Variants in SORCS1 observed in about 807,000 individuals in gnomAD.
SORCS1 encodes the protein VPS10 domain-containing receptor SorCS1.
In SORCS1, 60 loss-of-function variants were observed where a neutral mutation model predicts 146.1. The observed-to-expected ratio is 0.41, with a 90% CI of 0.33 to 0.51. The LOEUF (loss-of-function observed/expected upper bound fraction) is 0.51. Ranked by LOEUF, SORCS1 falls within the 20% of genes least tolerant of loss-of-function variation. The probability of loss-of-function intolerance (pLI) is 0.21; values close to 1 mark genes in which losing one functional copy is unlikely to be tolerated. For missense variants in SORCS1, 1,352 were observed against 1,487.6 expected, an observed-to-expected ratio of 0.91 and a Z score of 1.50; for synonymous variants, 637 against 584.0, an observed-to-expected ratio of 1.09 and a Z score of -1.31.
chr10:106,627,860 G>A (rs1416215632), intron 19 of SORCS1, among the ~76,000 whole-genome samples: 1 of 152,230 alleles, frequency 6.6e-6, no homozygotes, highest in Non-Finnish European at 1.5e-5. Flanking sequence ...TAGGATCCTT[G>A]CGGCAGGTGG....
At chr10:106,830,633 C>T (rs1313708534) in intron 2 of SORCS1, among the ~76,000 whole-genome samples, 15 of 149,592 alleles carry the variant, frequency 1.0e-4, no homozygotes, top group South Asian at 4.2e-4. Context: ...CAGTGGCTCA[C>T]GCCTGTAATA....
chr10:106,737,969 A>G (rs1309146485), intron 5 of SORCS1, among the ~76,000 whole-genome samples: 1 of 152,230 alleles, frequency 6.6e-6, no homozygotes, highest in African/African-American at 2.4e-5. Context: ...TCAATAATAT[A>G]TCTTGGAGAT....
At position 106,878,646 on chromosome 10, in the gene SORCS1, A is replaced by ATATATATATATTTATT. The variant is rs1200849744; in HGVS notation, c.627-48974_627-48973insAATAAATATATATATA. 3.7e-3 allele frequency among the ~76,000 whole-genome samples: 433 copies of ATATATATATATTTATT among 117,878 alleles called. 3 individuals carry two copies. Among genetic ancestry groups the ATATATATATATTTATT allele is most frequent in the Non-Finnish European group, 6.7e-3 (359 of 53,400 alleles). 77.3% of individuals were successfully genotyped at this position (117,878 alleles called of 152,430 possible). A position where few individuals can be genotyped will look rare whatever the true frequency, so the allele number is the denominator to read the frequency against. On this transcript the variant is annotated intron_variant, in intron 2 of 25. Coordinates refer to ENST00000263054, the MANE Select transcript of SORCS1 (RefSeq NM_052918.5). ...TATATATATATATATATATATATATATATTTTATAGCAGCCTGAATGGACT... is the reference window on the plus strand; with the variant it reads ...TATATATATATATATATATATATATATATATATATATTTATTTATTTTATAGCAGCCTGAATGGACT...
intron 1 of SORCS1, among the ~76,000 whole-genome samples, chr10:107,018,206 G>C (rs772106292): frequency 1.3e-5 from 2 of 150,938 alleles, no homozygotes; most frequent in Non-Finnish European, 3.0e-5. Context: ...ACGGAGTCCC[G>C]CTCCGTCGCC....
At chr10:107,040,354 C>T (rs1293581102) in intron 1 of SORCS1, among the ~76,000 whole-genome samples, 1 of 152,094 alleles carries the variant, frequency 6.6e-6, no homozygotes, top group Non-Finnish European at 1.5e-5. Flanking sequence ...TTGGGTTGCA[C>T]TCCACATTTA....
intron 1 of SORCS1, among the ~76,000 whole-genome samples, chr10:107,088,248 T>C (rs1963916534): frequency 6.6e-6 from 1 of 152,186 alleles, no homozygotes; most frequent in South Asian, 2.1e-4. Context: ...TTCCCCTGAA[T>C]ACTCTGCACA....
intron 2 of SORCS1, among the ~76,000 whole-genome samples, chr10:106,921,800 A>G (rs1293996800): frequency 6.6e-6 from 1 of 152,176 alleles, no homozygotes; most frequent in Non-Finnish European, 1.5e-5. Context: ...AAGCAAGCTG[A>G]CACCTATCCT....
chr10:106,748,564 C>T (rs972056344), intron 5 of SORCS1, among the ~76,000 whole-genome samples: 5 of 152,008 alleles, frequency 3.3e-5, no homozygotes, highest in Admixed American at 2.0e-4. Context: ...TAGTCTGGAA[C>T]GAAACCCACA....
At chr10:106,691,704 A>G (rs1273037541) in intron 9 of SORCS1, among the ~76,000 whole-genome samples, 1 of 152,086 alleles carries the variant, frequency 6.6e-6, no homozygotes, top group Non-Finnish European at 1.5e-5. Context: ...ATTCATCCTT[A>G]AAGATTCAGC....
intron 1 of SORCS1, among the ~76,000 whole-genome samples, chr10:106,977,024 G>A (rs1241001041): frequency 1.3e-5 from 2 of 152,156 alleles, no homozygotes; most frequent in African/African-American, 2.4e-5. Flanking sequence ...CTTTATAGTA[G>A]AATGATTTAT....
At chr10:106,871,737 A>C (rs1950412563) in intron 2 of SORCS1, among the ~76,000 whole-genome samples, 2 of 152,164 alleles carry the variant, frequency 1.3e-5, no homozygotes, top group Non-Finnish European at 2.9e-5. Flanking sequence ...TCTGGGGTGT[A>C]ATTGAAGGTG....
Position 107,034,680 on chromosome 10 carries a change from C to CAAAAAAAAAAAA in SORCS1, c.559-78112_559-78101dup, listed in dbSNP as rs553032484. 1.1e-3 allele frequency among the ~76,000 whole-genome samples: 15 copies of CAAAAAAAAAAAA among 13,796 alleles called. 1 individual carries two copies. The highest frequency in any genetic ancestry group is 3.8e-3 in the African/African-American group (14 of 3,716). The allele number at this position is 13,796 out of a possible 152,430, so 9.1% of individuals were successfully genotyped here. ...GGGAAACATGAGCGAAACTCCATCT[C>CAAAAAAAAAAAA]AAAAAAAAAAAAAAAAAAAAAAAAA... On this transcript the variant is annotated intron_variant, in intron 1 of 25. Coordinates refer to ENST00000263054, the MANE Select transcript of SORCS1 (RefSeq NM_052918.5).
chr10:106,650,590 G>C (rs577770002), intron 18 of SORCS1, among the ~76,000 whole-genome samples: 1 of 152,216 alleles, frequency 6.6e-6, no homozygotes, highest in East Asian at 1.9e-4. Flanking sequence ...ATCAGTCCTA[G>C]CTTTGGAATA....
At chr10:106,694,329 G>T (rs185198279) in intron 9 of SORCS1, among the ~76,000 whole-genome samples, 1 of 152,000 alleles carries the variant, frequency 6.6e-6, no homozygotes, top group African/African-American at 2.4e-5. Flanking sequence ...GCACCATCTC[G>T]GCTCACTGCA....
intron 1 of SORCS1, among the ~76,000 whole-genome samples, chr10:107,052,567 T>C (rs1960217516): frequency 6.6e-6 from 1 of 152,188 alleles, no homozygotes; most frequent in Non-Finnish European, 1.5e-5. Flanking sequence ...TAAGCACATT[T>C]GTTAAGTATC....
intron 2 of SORCS1, among the ~76,000 whole-genome samples, chr10:106,949,934 C>T (rs946306662): frequency 6.6e-6 from 1 of 152,166 alleles, no homozygotes; most frequent in Non-Finnish European, 1.5e-5. Flanking sequence ...GTACTGATTG[C>T]CCTAGTATAA....
At chr10:106,741,918 A>G (rs898975596) in intron 5 of SORCS1, among the ~76,000 whole-genome samples, 3 of 152,188 alleles carry the variant, frequency 2.0e-5, no homozygotes, top group African/African-American at 7.2e-5. Flanking sequence ...CCTGTAGGTA[A>G]GGCTGGTTTA....
chr10:106,981,848 T>A (rs1429047369), intron 1 of SORCS1, among the ~76,000 whole-genome samples: 1 of 152,232 alleles, frequency 6.6e-6, no homozygotes, highest in Non-Finnish European at 1.5e-5. Context: ...TCCTCCCAAC[T>A]ACTCGATGCT....
At chr10:106,637,437 C>T (rs7906750) in intron 18 of SORCS1, among the ~76,000 whole-genome samples, 20,614 of 152,130 alleles carry the variant, frequency 0.14, 1,901 homozygotes, top group East Asian at 0.31. Flanking sequence ...TGCATAATTA[C>T]GGAGTATTGT....
Sources: gnomAD v4.1 joint callset for allele counts (sites outside exome capture counted in the v4.1 genomes callset) on GRCh38, gnomAD v4.1.1 for gene constraint, MANE v1.5 for transcripts, NCBI Gene and HGNC (gene_info 2026-07-23, HGNC 2026-07-21) for gene names.